CSMD1: variants seen among roughly 807,000 people sequenced by gnomAD.
The protein encoded by CSMD1 is CUB and sushi domain-containing protein 1.
In CSMD1, 213 loss-of-function variants were observed where a neutral mutation model predicts 417.5. The observed-to-expected ratio is 0.51, with a 90% CI of 0.46 to 0.57. The LOEUF is 0.57. CSMD1 is among the 20% of genes least tolerant of loss of function. The pLI is 0.00. For synonymous variants in CSMD1, 2,862 were observed against 1,736.8 expected, an observed-to-expected ratio of 1.65 and a Z score of -16.11; for missense variants, 6,923 against 4,529.7, an observed-to-expected ratio of 1.53 and a Z score of -15.17.
chr8:3,016,568 GT>G (rs1249302561), intron 52 of CSMD1, among the ~76,000 whole-genome samples: 12 of 152,152 alleles, frequency 7.9e-5, no homozygotes, highest in African/African-American at 2.7e-4. Context: ...CTTTCAAAAT[GT>G]TTGTGCTAAA....
chr8:3,717,963 G>C (rs567829925), intron 6 of CSMD1, among the ~76,000 whole-genome samples: 4 of 152,186 alleles, frequency 2.6e-5, no homozygotes, highest in East Asian at 3.9e-4. Context: ...CTGATTTCTA[G>C]AACTATAGGA....
intron 6 of CSMD1, among the ~76,000 whole-genome samples, chr8:3,733,062 C>G (rs1209011631): frequency 6.6e-6 from 1 of 151,660 alleles, no homozygotes; most frequent in Non-Finnish European, 1.5e-5. Flanking sequence ...GTAAATGCTG[C>G]TGATTGGTTT....
intron 5 of CSMD1, among the ~76,000 whole-genome samples, chr8:3,906,990 T>G (rs1369849147): frequency 6.6e-6 from 1 of 152,190 alleles, no homozygotes; most frequent in Non-Finnish European, 1.5e-5. Flanking sequence ...TCAAACATGT[T>G]GTAAGAAGGT....
At chr8:4,636,916 G>C (rs995768422) in intron 2 of CSMD1, among the ~76,000 whole-genome samples, 11 of 151,990 alleles carry the variant, frequency 7.2e-5, no homozygotes, top group Admixed American at 6.6e-4. Flanking sequence ...ACACCAATCA[G>C]CGCTCTGTAA....
intron 5 of CSMD1, among the ~76,000 whole-genome samples, chr8:3,832,589 G>A (rs899342197): frequency 5.9e-5 from 9 of 152,092 alleles, no homozygotes; most frequent in East Asian, 1.9e-4. Flanking sequence ...AACAAAAACA[G>A]AAATAACACA....
chr8:4,328,661 T>G (rs916669722), intron 3 of CSMD1, among the ~76,000 whole-genome samples: 1 of 152,208 alleles, frequency 6.6e-6, no homozygotes, highest in Non-Finnish European at 1.5e-5. Flanking sequence ...TTTTTCTCTT[T>G]GAAAGGCATG....
At chr8:4,184,508 A>G (rs1425563508) in intron 3 of CSMD1, among the ~76,000 whole-genome samples, 1 of 152,216 alleles carries the variant, frequency 6.6e-6, no homozygotes, top group African/African-American at 2.4e-5. Flanking sequence ...TGGCATGTAT[A>G]CACCATGGAA....
intron 7 of CSMD1, among the ~76,000 whole-genome samples, chr8:3,658,468 A>ATG (rs1798240817): frequency 2.0e-5 from 3 of 147,090 alleles, no homozygotes; most frequent in Admixed American, 1.4e-4. Context: ...TATATTGTGT[A>ATG]TATATATATA....
chr8:3,398,881 C>T (rs189272925), intron 16 of CSMD1, among the ~76,000 whole-genome samples: 1 of 152,244 alleles, frequency 6.6e-6, no homozygotes, highest in East Asian at 1.9e-4. Context: ...AATAGCTAAG[C>T]CAAGCAACAT....
chr8:3,964,876 A>G (rs929098903), intron 5 of CSMD1, among the ~76,000 whole-genome samples: 1 of 152,186 alleles, frequency 6.6e-6, no homozygotes, highest in African/African-American at 2.4e-5. Flanking sequence ...GTGTGATTGC[A>G]TATTATGCCT....
intron 47 of CSMD1, among the ~76,000 whole-genome samples, chr8:3,094,713 A>G (rs953051516): frequency 6.6e-6 from 1 of 151,786 alleles, no homozygotes; most frequent in African/African-American, 2.4e-5. Flanking sequence ...CATAGAGAGT[A>G]ATATACTCTT....
At chr8:3,455,813 G>A (rs1442416341) in intron 12 of CSMD1, among the ~76,000 whole-genome samples, 1 of 152,180 alleles carries the variant, frequency 6.6e-6, no homozygotes, top group African/African-American at 2.4e-5. Context: ...CTGCATGCTG[G>A]GAGAACCACT....
chr8:3,962,311 T>G (rs575582684), intron 5 of CSMD1, among the ~76,000 whole-genome samples: 1 of 99,610 alleles, frequency 1.0e-5, no homozygotes, highest in African/African-American at 3.3e-5. Flanking sequence ...GGGATTTGGT[T>G]CCAGCAGTGA....
intron 23 of CSMD1, among the ~76,000 whole-genome samples, chr8:3,328,665 G>A (rs1158012388): frequency 6.6e-6 from 1 of 152,230 alleles, no homozygotes; most frequent in African/African-American, 2.4e-5. Context: ...TCTTATCAGA[G>A]TTGACAAAAA....
intron 20 of CSMD1, among the ~76,000 whole-genome samples, chr8:3,365,533 T>C (rs1055663807): frequency 2.6e-5 from 4 of 152,222 alleles, no homozygotes. Flanking sequence ...TTTCAATAAA[T>C]ACATTGACAA....
intron 7 of CSMD1, among the ~76,000 whole-genome samples, chr8:3,642,362 C>A (rs996848054): frequency 6.6e-6 from 1 of 152,104 alleles, no homozygotes. Context: ...GAAGAAATCA[C>A]CGCAAAGAAT....
chr8:4,425,030 G>A (rs953823436), intron 2 of CSMD1, among the ~76,000 whole-genome samples: 2 of 151,978 alleles, frequency 1.3e-5, no homozygotes, highest in East Asian at 3.9e-4. Flanking sequence ...CTAAAAGTAA[G>A]TTGAACAAAA....
At chr8:3,231,583 A>G (rs1798842422) in intron 26 of CSMD1, among the ~76,000 whole-genome samples, 1 of 152,202 alleles carries the variant, frequency 6.6e-6, no homozygotes, top group African/African-American at 2.4e-5. Context: ...TAGAAGATAT[A>G]TAAAAAAGAA....
chr8:4,725,345 G>C (rs2116928780), intron 1 of CSMD1, among the ~76,000 whole-genome samples: 1 of 152,238 alleles, frequency 6.6e-6, no homozygotes, highest in East Asian at 1.9e-4. Flanking sequence ...GTTCTAGAAA[G>C]TCCTAGCAAA....
Sources: allele counts gnomAD v4.1 joint callset (sites outside exome capture counted in the v4.1 genomes callset), GRCh38; gene constraint gnomAD v4.1.1; transcripts MANE v1.5; gene names NCBI Gene and HGNC (gene_info 2026-07-23, HGNC 2026-07-21).